The following CADM2 variants were observed in gnomAD, a reference collection of about 807,000 sequenced individuals.
CADM2 encodes immunoglobulin superfamily member 4D.
A neutral mutation model predicts 49.8 loss-of-function variants in CADM2; 12 were observed. That is an observed-to-expected ratio of 0.24 (90% CI 0.15 to 0.39). CADM2 has a LOEUF of 0.39. Among genes scored for constraint, CADM2 ranks in the 10% least tolerant of loss-of-function variants. The pLI is 1.00. For missense variants in CADM2, 378 were observed against 492.3 expected (o/e 0.77, Z 2.20); for synonymous variants, 214 against 175.4 (o/e 1.22, Z -1.74).
chr3:85,726,459 A>G, intron 1 of CADM2, 63 bp from the exon 2 acceptor site: 1 of 1,574,602 alleles, frequency 6.4e-7, no homozygotes, highest in Non-Finnish European at 8.7e-7. Flanking sequence ...CTTTCTTACT[A>G]GAGAATCTGT....
rs759931215 is a variant in CADM2 at position 85,607,969 on chromosome 3, T to TA, written c.62-118546dup. Reference sequence around the variant, plus strand: ...CACGCCCGGCCAATAATTAGAAATTTAAAAAAATATACATTTATTAGAAAC... The same window carrying TA: ...CACGCCCGGCCAATAATTAGAAATTTAAAAAAAATATACATTTATTAGAAAC... On this transcript the variant is annotated intron_variant, in intron 1 of 9. Transcript: ENST00000383699. Among the ~76,000 whole-genome samples, 13 of 152,138 alleles carry TA rather than the reference T, an allele frequency of 8.5e-5. 1 individual carries two copies. In the East Asian group the frequency reaches 1.4e-3, roughly 16 times the overall value.
chr3:85,209,445 C>T (rs868118624), intron 1 of CADM2, among the ~76,000 whole-genome samples: 6 of 152,120 alleles, frequency 3.9e-5, no homozygotes, highest in South Asian at 4.2e-4. Flanking sequence ...CAAATTCTCT[C>T]GAAGCCCAAG....
At chr3:85,905,101 G>C (rs1296998194) in intron 5 of CADM2, among the ~76,000 whole-genome samples, 1 of 151,866 alleles carries the variant, frequency 6.6e-6, no homozygotes. Flanking sequence ...TAGTGATATT[G>C]CCAATCTCCT....
intron 1 of CADM2, among the ~76,000 whole-genome samples, chr3:85,345,312 T>TAAAAA (rs2030488967): frequency 4.8e-4 from 1 of 2,102 alleles, no homozygotes; most frequent in Non-Finnish European, 1.3e-3. Context: ...AGTCTCCATC[T>TAAAAA]CAAAAAAAAA....
chr3:85,546,498 A>G (rs1302094726), intron 1 of CADM2, among the ~76,000 whole-genome samples: 1 of 152,080 alleles, frequency 6.6e-6, no homozygotes, highest in African/African-American at 2.4e-5. Context: ...GATCAGAAAT[A>G]AGATACCCTA....
chr3:85,721,100 C>T (rs760609129), intron 1 of CADM2, among the ~76,000 whole-genome samples: 2 of 152,154 alleles, frequency 1.3e-5, no homozygotes, highest in Non-Finnish European at 2.9e-5. Flanking sequence ...TTCCTCTTCT[C>T]TGAAGCACAG....
At chr3:85,547,463 T>G (rs965459789) in intron 1 of CADM2, among the ~76,000 whole-genome samples, 1 of 150,080 alleles carries the variant, frequency 6.7e-6, no homozygotes, top group East Asian at 2.0e-4. Flanking sequence ...ACTTGCATTA[T>G]TTTTTGTCAT....
chr3:85,220,593 A>T (rs2042022892), intron 1 of CADM2, among the ~76,000 whole-genome samples: 1 of 152,150 alleles, frequency 6.6e-6, no homozygotes, highest in South Asian at 2.1e-4. Context: ...ACCATACTAC[A>T]GGAGTAATAG....
At chr3:86,013,940 G>C (rs1731868324) in intron 8 of CADM2, 2 of 1,579,660 alleles carry the variant, frequency 1.3e-6, no homozygotes, top group Non-Finnish European at 1.7e-6. Flanking sequence ...TAAATATGTG[G>C]TTGGCAAAAT....
chr3:85,113,685 CG>C (rs199563832), intron 1 of CADM2, among the ~76,000 whole-genome samples: 62 of 135,330 alleles, frequency 4.6e-4, no homozygotes, highest in Non-Finnish European at 7.9e-4. Flanking sequence ...TTTATTCATT[CG>C]TTTTTTTTTT....
chr3:85,495,744 G>A (rs1219788376), intron 1 of CADM2, among the ~76,000 whole-genome samples: 2 of 151,916 alleles, frequency 1.3e-5, no homozygotes, highest in African/African-American at 4.8e-5. Context: ...ATGTCACATG[G>A]CAAGAGTAAG....
chr3:84,966,970 T>C (rs779785271), intron 1 of CADM2, among the ~76,000 whole-genome samples: 7 of 151,994 alleles, frequency 4.6e-5, no homozygotes, highest in Admixed American at 6.6e-5. Context: ...TGTGATCAAA[T>C]AGTGCAAATA....
intron 1 of CADM2, among the ~76,000 whole-genome samples, chr3:85,155,985 G>A (rs2040103781): frequency 6.6e-6 from 1 of 152,174 alleles, no homozygotes; most frequent in Admixed American, 6.5e-5. Flanking sequence ...ACAAGAGAAA[G>A]CAGGAAAGAT....
intron 1 of CADM2, among the ~76,000 whole-genome samples, chr3:85,254,664 G>A (rs2042845993): frequency 6.6e-6 from 1 of 152,048 alleles, no homozygotes; most frequent in African/African-American, 2.4e-5. Context: ...ATGTGAGAAG[G>A]GTGTGATGAG....
At chr3:86,025,565 G>T (rs1733811871) in intron 8 of CADM2, among the ~76,000 whole-genome samples, 1 of 151,748 alleles carries the variant, frequency 6.6e-6, no homozygotes, top group Admixed American at 6.6e-5. Flanking sequence ...TCCTTCGTTG[G>T]TGAAGTTAAG....
At chr3:85,561,065 C>T (rs1000324727) in intron 1 of CADM2, among the ~76,000 whole-genome samples, 2 of 152,110 alleles carry the variant, frequency 1.3e-5, no homozygotes, top group Non-Finnish European at 2.9e-5. Context: ...ATAGAAGATT[C>T]TCCAAAAAGA....
intron 1 of CADM2, among the ~76,000 whole-genome samples, chr3:85,188,483 T>C (rs2041119703): frequency 6.6e-6 from 1 of 152,198 alleles, no homozygotes; most frequent in Non-Finnish European, 1.5e-5. Context: ...ATTTTCTGCC[T>C]AGTAATTATT....
chr3:85,952,547 C>T (rs1219017588), intron 7 of CADM2, among the ~76,000 whole-genome samples: 2 of 150,854 alleles, frequency 1.3e-5, no homozygotes, highest in African/African-American at 2.4e-5. Context: ...CAGTTTTTCC[C>T]TCTCGGCTTT....
intron 1 of CADM2, among the ~76,000 whole-genome samples, chr3:85,098,385 C>T (rs555135798): frequency 6.6e-6 from 1 of 151,960 alleles, no homozygotes; most frequent in East Asian, 1.9e-4. Flanking sequence ...TCTTAACTTT[C>T]TATCTTTAAT....
Sources: allele counts gnomAD v4.1 joint callset (sites outside exome capture counted in the v4.1 genomes callset), GRCh38; gene constraint gnomAD v4.1.1; transcripts MANE v1.5; gene names NCBI Gene and HGNC (gene_info 2026-07-23, HGNC 2026-07-21).